Variants in POLR3A observed in about 807,000 individuals in gnomAD.
POLR3A encodes DNA-directed RNA polymerase III subunit RPC1.
POLR3A carries 112 observed loss-of-function variants against 152.8 expected under a neutral mutation model. The observed-to-expected ratio is 0.73, with a 90% CI of 0.63 to 0.86. The LOEUF is 0.86. Among genes scored for constraint, POLR3A ranks in the 40% least tolerant of loss-of-function variants. The pLI is 0.00. For missense variants in POLR3A, 1,385 were observed against 1,743.1 expected, an observed-to-expected ratio of 0.79 and a Z score of 3.66; for synonymous variants, 615 against 652.1, an observed-to-expected ratio of 0.94 and a Z score of 0.87.
intron 4 of POLR3A, 68 bp from the exon 5 acceptor site, chr10:78,024,771 A>G: frequency 6.9e-7 from 1 of 1,455,538 alleles, no homozygotes; most frequent in South Asian, 1.1e-5. Context: ...AGATTGTAGT[A>G]TGGTTAATGA....
At position 77,991,028 on chromosome 10, in the gene POLR3A, A is replaced by G. The variant is rs1490665496; in HGVS notation, c.2901+26T>C. ...TCTTTACGACAGCCAGGCTGGGTGC[A>G]GTAGCCAGCACCTGGCAGAGCTCAC... is the stretch of plus-strand genomic sequence containing the variant. On this transcript the variant is annotated intron_variant, in intron 21 of 30. Transcript: ENST00000372371. 3 of 1,294,458 alleles carry G rather than the reference A, an allele frequency of 2.3e-6. No homozygotes were observed. The East Asian group carries it at 6.9e-5, about 30-fold the overall frequency. 80.2% of individuals were successfully genotyped at this position (1,294,458 alleles called of 1,614,324 possible).
At chr10:78,000,634 T>C (rs1290890595) in intron 18 of POLR3A, among the ~76,000 whole-genome samples, 1 of 152,250 alleles carries the variant, frequency 6.6e-6, no homozygotes, top group Non-Finnish European at 1.5e-5. Flanking sequence ...CTGTGTGCCT[T>C]ACATGGGTAA....
intron 21 of POLR3A, among the ~76,000 whole-genome samples, chr10:77,989,431 T>A (rs1000909627): frequency 6.6e-6 from 1 of 152,176 alleles, no homozygotes; most frequent in Middle Eastern, 3.2e-3. Flanking sequence ...TCTCAGCAAA[T>A]CTGAGCTCAT....
Position 77,977,545 on chromosome 10 carries a change from T to A in POLR3A, c.4106A>T (p.Asp1369Val). 1 of 1,613,962 alleles carries A rather than the reference T, an allele frequency of 6.2e-7. No individual in the cohort carries two copies. The change falls in exon 31 of 31, where the codon GAC (aspartate) becomes GTC (valine). Residue 1369 changes from aspartate to valine, a missense_variant. Transcript: ENST00000372371. ...LFKLLHKADRDPNPPKRPLIF... is the reference protein window; with the variant it reads ...LFKLLHKADRVPNPPKRPLIF... ...CAGGGGCCTCTTGGGAGGGTTCGGG[T>A]CCCTGTCAGCCTTGTGAAGCAGCTT...
At position 77,985,176 on chromosome 10, in the gene POLR3A, G is replaced by A; in HGVS notation, c.3236C>T (p.Ala1079Val). 6.2e-7 allele frequency: 1 copy of A among 1,613,586 alleles called. No individual in the cohort carries two copies. Among genetic ancestry groups the A allele is most frequent in the South Asian group, 1.1e-5 (1 of 91,070 alleles). ...AGGAAATGAAAGCAGGCACCTGATGGCCTTGGAAGCGTTGATGATCTCTTT... is the reference window on the plus strand; with the variant it reads ...AGGAAATGAAAGCAGGCACCTGATGACCTTGGAAGCGTTGATGATCTCTTT... ...RIKEIINASK[A>V]ISTPIITAQL... is the part of the protein sequence containing the mutation. Residue 1079 changes from alanine (A) to valine (V), a missense_variant, in exon 24 of 31, where the codon GCC (alanine) becomes GTC (valine). Physicochemically the swap from Ala to Val is moderately conservative, Grantham distance 64 (BLOSUM62 0). Around this residue, in one of 7 missense-constraint regions of POLR3A, gnomAD observed 22 missense variants for 59.7 expected, o/e 0.37. Coordinates refer to ENST00000372371, the MANE Select transcript of POLR3A (RefSeq NM_007055.4).
intron 28 of POLR3A, among the ~76,000 whole-genome samples, chr10:77,981,896 G>A (rs1467634429): frequency 8.9e-5 from 13 of 146,022 alleles, no homozygotes; most frequent in African/African-American, 2.5e-4. Context: ...AAAATTAGCC[G>A]GGCGTGGTGG....
intron 14 of POLR3A, among the ~76,000 whole-genome samples, chr10:78,008,160 A>G (rs769973863): frequency 2.0e-4 from 31 of 152,180 alleles, no homozygotes; most frequent in Non-Finnish European, 3.4e-4. Context: ...AGCACTTGTC[A>G]TCTTTATGTT....
At chr10:77,992,731 GT>G (rs1345328434) in intron 20 of POLR3A, among the ~76,000 whole-genome samples, 1 of 151,884 alleles carries the variant, frequency 6.6e-6, no homozygotes, top group Non-Finnish European at 1.5e-5. Context: ...TAGAGATAGA[GT>G]TTTTCCTCTG....
chr10:78,013,326 T>A, intron 11 of POLR3A: 2 of 356,114 alleles, frequency 5.6e-6, no homozygotes, highest in South Asian at 5.5e-5. Flanking sequence ...TTGATATTGC[T>A]ATATTCTTTT....
At chr10:78,009,826 C>A (rs731505) in intron 13 of POLR3A, 38 bp downstream of exon 13, 4 of 1,612,192 alleles carry the variant, frequency 2.5e-6, no homozygotes, top group Admixed American at 3.3e-5. Flanking sequence ...CAGACACATA[C>A]ACACACCTGT....
chr10:78,026,300 C>G, intron 1 of POLR3A, 71 bp from the exon 2 acceptor site: 1 of 1,496,230 alleles, frequency 6.7e-7, no homozygotes, highest in Non-Finnish European at 9.2e-7. Flanking sequence ...CATACATAGC[C>G]CACCATAACC....
At position 78,025,023 on chromosome 10, in the gene POLR3A, G is replaced by A. The variant is rs16935547; in HGVS notation, c.438C>T (p.Ile146=). 3.9e-4 allele frequency: 627 copies of A among 1,614,180 alleles called. 1 individual carries two copies. In the African/African-American group the frequency reaches 5.3e-3, roughly 14 times the overall value. ...YLQKRGLKKK[I]SDKCRKKNIC... is the part of the protein sequence containing the mutation. ...TGTTTTTCTTCCGGCACTTGTCAGA[G>A]ATTTTCTTTTTCAGTCCTCGCTTCT... The change falls in exon 4 of 31, where the codon ATC becomes ATT. Residue 146 remains isoleucine, a synonymous_variant. Transcript: ENST00000372371.
chr10:78,005,360 T>A (rs1369517041), intron 15 of POLR3A, among the ~76,000 whole-genome samples: 1 of 152,184 alleles, frequency 6.6e-6, no homozygotes, highest in Non-Finnish European at 1.5e-5. Context: ...ATGCCAGTAG[T>A]CCCAGCTACT....
In POLR3A at chr10:78,009,490, T is replaced by C. The variant is rs1334478582; in HGVS notation, c.1909+47A>G. On this transcript the variant is annotated intron_variant, in intron 14 of 30. Transcript: ENST00000372371. ...CAAAGCTGATGACCAGCCACTTGCT[T>C]TTCTGTCACGTTCCTCCTTCTCCCC... The C allele has an allele frequency of 3.1e-6, 5 of 1,613,836 alleles. No individual in the cohort carries two copies. The East Asian group carries it at 1.1e-4, about 36-fold the overall frequency.
At chr10:77,996,422 A>C (rs1333135144) in intron 19 of POLR3A, among the ~76,000 whole-genome samples, 1 of 152,198 alleles carries the variant, frequency 6.6e-6, no homozygotes, top group Non-Finnish European at 1.5e-5. Context: ...TAGCAAGACT[A>C]ATAAAGAAGA....
chr10:77,996,682 C>A (rs1847304067), intron 19 of POLR3A, among the ~76,000 whole-genome samples: 1 of 151,852 alleles, frequency 6.6e-6, no homozygotes, highest in African/African-American at 2.4e-5. Context: ...AGCTTACCAA[C>A]CAAAAAAAGT....
intron 19 of POLR3A, among the ~76,000 whole-genome samples, chr10:77,994,047 T>C (rs1377983842): frequency 1.3e-5 from 2 of 152,196 alleles, no homozygotes; most frequent in African/African-American, 4.8e-5. Context: ...TCATACTCTC[T>C]AATTCAAAAA....
At chr10:78,004,671 C>T in intron 16 of POLR3A, 45 bp downstream of exon 16, 2 of 1,520,660 alleles carry the variant, frequency 1.3e-6, no homozygotes, top group Non-Finnish European at 1.8e-6. Flanking sequence ...ACCGTAGCCA[C>T]TGTGCACGGC....
intron 9 of POLR3A, among the ~76,000 whole-genome samples, chr10:78,018,034 C>T (rs1483580454): frequency 2.6e-5 from 4 of 151,516 alleles, no homozygotes; most frequent in African/African-American, 4.9e-5. Flanking sequence ...ATTAGCCAAA[C>T]GTGGTGGGGT....
Sources: allele counts gnomAD v4.1 joint callset (sites outside exome capture counted in the v4.1 genomes callset), GRCh38; gene constraint gnomAD v4.1.1; regional missense constraint gnomAD v4.1.1; transcripts MANE v1.5; gene names NCBI Gene and HGNC (gene_info 2026-07-23, HGNC 2026-07-21).